LY6S: variants seen among roughly 807,000 people sequenced by gnomAD.
The protein encoded by LY6S is lymphocyte antigen 6S.
the LY6S span, chr8:143,053,437 C>T: frequency 5.3e-5 from 8 of 152,180 alleles, no homozygotes; most frequent in Non-Finnish European, 7.3e-5. Context: ...AAACATAACT[C>T]AACCTGGCTG....
the LY6S span, among the ~76,000 whole-genome samples, chr8:143,067,367 T>A: frequency 3.2e-3 from 487 of 152,348 alleles, 1 homozygote; most frequent in Non-Finnish European, 5.8e-3. Flanking sequence ...GTGCAGGGTA[T>A]GCCTTGTTAA....
the LY6S span, among the ~76,000 whole-genome samples, chr8:143,070,455 T>C: frequency 6.7e-4 from 32 of 47,446 alleles, 1 homozygote; most frequent in East Asian, 2.6e-3. Flanking sequence ...TGTATATATA[T>C]ATATATATAA....
At chr8:143,054,760 C>T in the LY6S span, among the ~76,000 whole-genome samples, 11 of 152,226 alleles carry the variant, frequency 7.2e-5, no homozygotes, top group Non-Finnish European at 1.6e-4. Flanking sequence ...AGGACCCCTT[C>T]TTCCCTTGGG....
At chr8:143,070,476 A>ATATAT in the LY6S span, among the ~76,000 whole-genome samples, 34 of 76,896 alleles carry the variant, frequency 4.4e-4, 2 homozygotes, top group South Asian at 1.1e-3. Flanking sequence ...TATATATATA[A>ATATAT]ATATATATAT....
At chr8:143,053,444 G>C in the LY6S span, 1 of 152,142 alleles carries the variant, frequency 6.6e-6, no homozygotes, top group African/African-American at 2.4e-5. Flanking sequence ...ACTCAACCTG[G>C]CTGGCTTTCC....
At chr8:143,048,661 G>A in the LY6S span, among the ~76,000 whole-genome samples, 1 of 151,758 alleles carries the variant, frequency 6.6e-6, no homozygotes, top group Non-Finnish European at 1.5e-5. Context: ...TAGAGATGGG[G>A]GTTTCACCAT....
the LY6S span, chr8:143,042,866 G>A: frequency 1.5e-5 from 8 of 521,530 alleles, no homozygotes; most frequent in Non-Finnish European, 2.4e-5. Context: ...CTGAGGCCCA[G>A]CTCTGAAAAA....
chr8:143,055,079 G>T, the LY6S span, among the ~76,000 whole-genome samples: 2 of 152,178 alleles, frequency 1.3e-5, no homozygotes, highest in Non-Finnish European at 1.5e-5. Context: ...AGACAAAATG[G>T]AATCTTTAGG....
the LY6S span, among the ~76,000 whole-genome samples, chr8:143,061,638 G>A: frequency 1.3e-5 from 2 of 152,148 alleles, no homozygotes; most frequent in East Asian, 1.9e-4. Flanking sequence ...TCCACCTCCC[G>A]GGTTCAAGTA....
At chr8:143,057,239 C>CTAT in the LY6S span, 7 of 234,008 alleles carry the variant, frequency 3.0e-5, no homozygotes, top group East Asian at 1.2e-4. Context: ...CTCTTTTTTA[C>CTAT]TATTATTATT....
At chr8:143,057,100 T>C in the LY6S span, 30 of 316,950 alleles carry the variant, frequency 9.5e-5, no homozygotes, top group Non-Finnish European at 1.9e-4. Context: ...TTGTGCAACT[T>C]TAGTTGGTAG....
chr8:143,044,429 CCT>C, the LY6S span, among the ~76,000 whole-genome samples: 1 of 152,044 alleles, frequency 6.6e-6, no homozygotes. Flanking sequence ...CGGAACATCC[CCT>C]GTCCCTGCAG....
At chr8:143,067,958 C>T in the LY6S span, among the ~76,000 whole-genome samples, 9 of 152,264 alleles carry the variant, frequency 5.9e-5, no homozygotes, top group Admixed American at 3.9e-4. Context: ...AGGGACAAGC[C>T]GGAGACAGAA....
the LY6S span, among the ~76,000 whole-genome samples, chr8:143,058,907 C>A: frequency 6.6e-6 from 1 of 152,258 alleles, no homozygotes; most frequent in Admixed American, 6.5e-5. Flanking sequence ...TATGTCCCCT[C>A]AGCTCCTATC....
chr8:143,074,695 C>T, the LY6S span, among the ~76,000 whole-genome samples: 5 of 152,174 alleles, frequency 3.3e-5, no homozygotes, highest in African/African-American at 1.2e-4. Context: ...ATTCTTTCAT[C>T]TGGGTTATCT....
the LY6S span, among the ~76,000 whole-genome samples, chr8:143,062,244 A>G: frequency 6.6e-6 from 1 of 152,272 alleles, no homozygotes; most frequent in East Asian, 1.9e-4. Flanking sequence ...AATCAAATAT[A>G]TTCTATAGAC....
At chr8:143,066,599 A>T in the LY6S span, 1 of 257,550 alleles carries the variant, frequency 3.9e-6, no homozygotes, top group Admixed American at 3.9e-5. Flanking sequence ...TTGGAGGCAT[A>T]GACCGGAAAG....
chr8:143,049,066 C>T, the LY6S span: 4 of 436,214 alleles, frequency 9.2e-6, no homozygotes, highest in South Asian at 7.0e-5. Flanking sequence ...AGACCCAGGA[C>T]GGTGTATGCC....
At chr8:143,067,525 G>T in the LY6S span, among the ~76,000 whole-genome samples, 1 of 152,224 alleles carries the variant, frequency 6.6e-6, no homozygotes, top group East Asian at 1.9e-4. Flanking sequence ...AAGAGACTGA[G>T]AAAAGAAATA....
Sources: gnomAD v4.1 joint callset for allele counts (sites outside exome capture counted in the v4.1 genomes callset) on GRCh38, gnomAD v4.1.1 for gene constraint, MANE v1.5 for transcripts, NCBI Gene and HGNC (gene_info 2026-07-23, HGNC 2026-07-21) for gene names.